MCM5: variants seen among roughly 807,000 people sequenced by gnomAD.
MCM5 encodes DNA replication licensing factor MCM5.
A neutral mutation model predicts 79.9 loss-of-function variants in MCM5; 46 were observed. The ratio of observed to expected loss-of-function variants is 0.58; its 90% CI spans 0.45 to 0.74. The LOEUF (loss-of-function observed/expected upper bound fraction) is 0.74. MCM5 is among the 30% of genes least tolerant of loss of function. The pLI, the probability that MCM5 is intolerant of heterozygous loss-of-function variation, is 0.00. For synonymous variants in MCM5, 404 were observed against 390.5 expected, an observed-to-expected ratio of 1.03 and a Z score of -0.41; for missense variants, 883 against 1,017.0, an observed-to-expected ratio of 0.87 and a Z score of 1.79.
the MCM5 span, among the ~76,000 whole-genome samples, chr22:35,434,871 G>C: frequency 6.6e-6 from 1 of 152,220 alleles, no homozygotes. Flanking sequence ...GAATGAGGAG[G>C]CAGGGCGCGG....
At position 35,406,629 on chromosome 22, in the gene MCM5, GCATCTCTATC is replaced by G. The variant is rs747532375; in HGVS notation, c.503_512del (p.Ile168SerfsTer57). The G allele has an allele frequency of 6.2e-7, 1 of 1,613,076 alleles. No homozygotes were observed. Among genetic ancestry groups the G allele is most frequent in the Admixed American group, 1.7e-5 (1 of 60,030 alleles). ...TCTGCGGTCCGTGCCAAGGCCACCC[GCATCTCTATC>G]CAGTGCCGCAGCTGCCGCAACACCC... On this transcript the variant is annotated frameshift_variant, in exon 5 of 17. Transcript: ENST00000216122. LOFTEE classifies it high-confidence loss of function.
chr22:35,406,762 C>G, intron 5 of MCM5, 37 bp downstream of exon 5: 1 of 1,595,382 alleles, frequency 6.3e-7, no homozygotes, highest in Non-Finnish European at 8.5e-7. Context: ...GGGAGGTGAC[C>G]TGAGTGAAGA....
At chr22:35,454,935 G>A in the MCM5 span, among the ~76,000 whole-genome samples, 4,768 of 152,106 alleles carry the variant, frequency 0.031, 177 homozygotes, top group East Asian at 0.1. Context: ...GACATTGACA[G>A]ATGTCCCCAG....
At chr22:35,405,478 G>A (rs1026938465) in intron 4 of MCM5, among the ~76,000 whole-genome samples, 5 of 151,464 alleles carry the variant, frequency 3.3e-5, no homozygotes, top group Middle Eastern at 3.2e-3. Context: ...GCAATTCTCC[G>A]GCCTCAGCCT....
chr22:35,421,917 G>GGAT, intron 15 of MCM5: 2 of 274,684 alleles, frequency 7.3e-6, no homozygotes, highest in Non-Finnish European at 1.4e-5. Flanking sequence ...GATCACAGTC[G>GGAT]CTTGGCTGGA....
At chr22:35,449,570 T>C in the MCM5 span, among the ~76,000 whole-genome samples, 18 of 150,398 alleles carry the variant, frequency 1.2e-4, no homozygotes, top group African/African-American at 3.5e-4. Flanking sequence ...TTGTCCCAGC[T>C]GTGGCCTCTC....
chr22:35,453,660 C>T, the MCM5 span, among the ~76,000 whole-genome samples: 1 of 150,264 alleles, frequency 6.7e-6, no homozygotes, highest in East Asian at 2.0e-4. Context: ...GAAACAGAGA[C>T]AGGGCAGAGC....
chr22:35,414,012 A>G, intron 9 of MCM5, 26 bp downstream of exon 9: 1 of 1,532,774 alleles, frequency 6.5e-7, no homozygotes, highest in East Asian at 2.2e-5. Flanking sequence ...TACCTTTGCC[A>G]CCTTGGCTTG....
chr22:35,409,680 C>T (rs574923776), intron 6 of MCM5: 2 of 152,198 alleles, frequency 1.3e-5, no homozygotes, highest in Non-Finnish European at 2.9e-5. Flanking sequence ...AGGGTTCTAA[C>T]CTGGGCTTGC....
rs1176009452 is a variant in MCM5, at chr22:35,424,168, C to T, written c.2118C>T (p.His706=). Reference sequence around the variant, plus strand: ...TGCTCCCACAGAAATACCCGGAGCACGCCATCCACAAGGTGCTGCAGCTCA... The same window carrying T: ...TGCTCCCACAGAAATACCCGGAGCATGCCATCCACAAGGTGCTGCAGCTCA... The part of the protein sequence containing the change: ...KDFTKQKYPE[H]AIHKVLQLML... The change falls in exon 17 of 17, where the codon CAC becomes CAT. Residue 706 remains histidine, a synonymous_variant. Transcript: ENST00000216122. 1.3e-6 allele frequency: 2 copies of T among 1,551,062 alleles called. No individual in the cohort carries two copies. Among genetic ancestry groups the T allele is most frequent in the East Asian group, 2.4e-5 (1 of 40,992 alleles).
intron 9 of MCM5, among the ~76,000 whole-genome samples, chr22:35,414,283 G>T (rs373094482): frequency 7.4e-4 from 113 of 152,236 alleles, no homozygotes; most frequent in South Asian, 1.9e-3. Context: ...CTCCCTGAGC[G>T]TCAGTTTATC....
At chr22:35,402,067 T>C (rs1257186111) in intron 2 of MCM5, among the ~76,000 whole-genome samples, 5 of 152,096 alleles carry the variant, frequency 3.3e-5, no homozygotes, top group Admixed American at 2.6e-4. Flanking sequence ...TGGTCAGTGG[T>C]CCCCAAATAT....
At chr22:35,405,468 G>A (rs1932185905) in intron 4 of MCM5, among the ~76,000 whole-genome samples, 1 of 152,006 alleles carries the variant, frequency 6.6e-6, no homozygotes. Context: ...CCCGGTTCAA[G>A]CAATTCTCCG....
At chr22:35,453,819 T>TATATATATATATATATATAGAGAGAG in the MCM5 span, among the ~76,000 whole-genome samples, 1 of 81,548 alleles carries the variant, frequency 1.2e-5, no homozygotes, top group East Asian at 3.4e-4. Flanking sequence ...TATATATATA[T>TATATATATATATATATATAGAGAGAG]AGAGAGAGAG....
intron 4 of MCM5, among the ~76,000 whole-genome samples, 171 bp downstream of exon 4, chr22:35,403,713 C>T (rs775278451): frequency 1.3e-5 from 2 of 152,200 alleles, no homozygotes; most frequent in African/African-American, 4.8e-5. Flanking sequence ...AAAAATTACA[C>T]ACCCAAAAGC....
the MCM5 span, among the ~76,000 whole-genome samples, chr22:35,430,558 A>G: frequency 2.1e-5 from 3 of 146,232 alleles, no homozygotes; most frequent in Non-Finnish European, 4.5e-5. Flanking sequence ...TAGAGTGTGC[A>G]GTGGTGCGAC....
intron 10 of MCM5, 58 bp downstream of exon 10, chr22:35,416,030 TC>T: frequency 6.3e-7 from 1 of 1,581,184 alleles, no homozygotes; most frequent in Non-Finnish European, 8.7e-7. Flanking sequence ...GTATGTGACT[TC>T]CTGTGCTCAG....
At chr22:35,411,681 A>G (rs945810441) in intron 7 of MCM5, among the ~76,000 whole-genome samples, 7 of 152,252 alleles carry the variant, frequency 4.6e-5, no homozygotes, top group South Asian at 4.1e-4. Flanking sequence ...TGGCTTCCCC[A>G]GGGCTCAGTC....
the MCM5 span, among the ~76,000 whole-genome samples, chr22:35,443,593 C>G: frequency 6.6e-6 from 1 of 152,260 alleles, no homozygotes; most frequent in Admixed American, 6.5e-5. Flanking sequence ...TGAACCTGCT[C>G]ACACCCTTGG....
Sources: gnomAD v4.1 joint callset for allele counts (sites outside exome capture counted in the v4.1 genomes callset) on GRCh38, gnomAD v4.1.1 for gene constraint, MANE v1.5 for transcripts, NCBI Gene and HGNC (gene_info 2026-07-23, HGNC 2026-07-21) for gene names.